The following PIGU variants were observed in gnomAD, a reference collection of about 807,000 sequenced individuals.
PIGU encodes the protein GPI-anchor transamidase component PIGU.
PIGU carries 24 observed loss-of-function variants against 49.9 expected under a neutral mutation model. That is an observed-to-expected ratio of 0.48 (90% CI 0.35 to 0.68). PIGU has a LOEUF of 0.68. PIGU is among the 30% of genes least tolerant of loss of function. PIGU has a pLI of 0.01. For missense variants in PIGU, 490 were observed against 532.6 expected, an observed-to-expected ratio of 0.92 and a Z score of 0.79; for synonymous variants, 220 against 205.7, an observed-to-expected ratio of 1.07 and a Z score of -0.59.
intron 6 of PIGU, among the ~76,000 whole-genome samples, chr20:34,628,858 G>T (rs886572225): frequency 1.3e-5 from 2 of 151,900 alleles, no homozygotes; most frequent in Middle Eastern, 3.2e-3. Flanking sequence ...CAAAAAACAA[G>T]ATAGATCAGA....
chr20:34,588,161 G>A (rs1319647161), intron 8 of PIGU, among the ~76,000 whole-genome samples: 1 of 151,962 alleles, frequency 6.6e-6, no homozygotes, highest in Admixed American at 6.6e-5. Context: ...CTGAGGCAGG[G>A]GAATCACTTG....
At chr20:34,586,145 A>G (rs1300225357) in intron 8 of PIGU, among the ~76,000 whole-genome samples, 3 of 152,208 alleles carry the variant, frequency 2.0e-5, no homozygotes, top group Admixed American at 6.5e-5. Flanking sequence ...TAACTGGAAA[A>G]CTTTTTGTCC....
rs562683306 is a variant in PIGU at position 34,637,989 on chromosome 20, G to GAA, written c.319-6_319-5dup. ...GGAGGAGTTTCTGCTTTTTAAACTA[G>GAA]AAAAAAAAAAAAAAGGAAAAGATAA... On this transcript the variant is annotated splice_region_variant and splice_polypyrimidine_tract_variant and intron_variant, in intron 4 of 11. Coordinates refer to ENST00000217446, the MANE Select transcript of PIGU (RefSeq NM_080476.5). 696 of 1,334,692 alleles carry GAA rather than the reference G, an allele frequency of 5.2e-4. No homozygotes were observed. Among genetic ancestry groups the GAA allele is most frequent in the Admixed American group, 1.9e-3 (62 of 33,298 alleles). The allele number at this position is 1,334,692 out of a possible 1,614,324, so 82.7% of individuals were successfully genotyped here.
intron 1 of PIGU, among the ~76,000 whole-genome samples, chr20:34,674,412 C>T (rs1405778590): frequency 2.0e-5 from 3 of 152,036 alleles, no homozygotes; most frequent in African/African-American, 7.2e-5. Flanking sequence ...AAGAGTCAAA[C>T]CTTTTCTGAG....
At chr20:34,608,502 T>G (rs1294491750) in intron 7 of PIGU, among the ~76,000 whole-genome samples, 1 of 152,226 alleles carries the variant, frequency 6.6e-6, no homozygotes, top group Non-Finnish European at 1.5e-5. Flanking sequence ...CTTAGTCCTG[T>G]TAAGACTTTG....
intron 4 of PIGU, among the ~76,000 whole-genome samples, chr20:34,642,744 C>CTTTT (rs946911419): frequency 3.3e-5 from 3 of 91,152 alleles, no homozygotes; most frequent in Non-Finnish European, 6.9e-5. Context: ...TTTCCCTAGT[C>CTTTT]TTTTTTTTTT....
At chr20:34,661,258 C>T (rs1456090872) in intron 1 of PIGU, among the ~76,000 whole-genome samples, 1 of 152,010 alleles carries the variant, frequency 6.6e-6, no homozygotes, top group Non-Finnish European at 1.5e-5. Context: ...AGGTTTGTTA[C>T]ATGGGTAAAT....
chr20:34,570,018 A>G (rs1185729296), intron 11 of PIGU, among the ~76,000 whole-genome samples: 2 of 152,164 alleles, frequency 1.3e-5, no homozygotes, highest in African/African-American at 2.4e-5. Flanking sequence ...TAATAATAGT[A>G]CTTCCTTCAA....
chr20:34,605,104 C>G (rs551877789), intron 7 of PIGU, among the ~76,000 whole-genome samples: 1 of 152,238 alleles, frequency 6.6e-6, no homozygotes, highest in South Asian at 2.1e-4. Flanking sequence ...TGCCCCTGAG[C>G]ATGTTAGGGC....
chr20:34,579,291 C>T (rs1983363243), intron 10 of PIGU: 1 of 152,158 alleles, frequency 6.6e-6, no homozygotes, highest in South Asian at 2.1e-4. Context: ...AGGCTGTTCC[C>T]TAACACCACA....
At chr20:34,676,829 A>AC in intron 1 of PIGU, 127 bp downstream of exon 1, 1 of 1,348,998 alleles carries the variant, frequency 7.4e-7, no homozygotes, top group African/African-American at 1.5e-5. Context: ...CTCTCCAAGA[A>AC]CCCCACGAGA....
intron 8 of PIGU, 46 bp from the exon 9 acceptor site, chr20:34,585,626 A>T: frequency 6.3e-7 from 1 of 1,594,566 alleles, no homozygotes; most frequent in Admixed American, 1.7e-5. Flanking sequence ...AAAAGTTATA[A>T]ATTGTCTGCT....
At chr20:34,565,345 C>T (rs772735896) in intron 11 of PIGU, among the ~76,000 whole-genome samples, 2 of 151,974 alleles carry the variant, frequency 1.3e-5, no homozygotes, top group Non-Finnish European at 2.9e-5. Flanking sequence ...GCAACCTCCG[C>T]GGTTCAAGTG....
intron 7 of PIGU, among the ~76,000 whole-genome samples, chr20:34,600,906 T>C (rs1984390897): frequency 6.6e-6 from 1 of 152,040 alleles, no homozygotes; most frequent in African/African-American, 2.4e-5. Flanking sequence ...TGGTGGCACA[T>C]GCCTGTAATC....
At chr20:34,577,920 G>A (rs1983305161) in intron 10 of PIGU, among the ~76,000 whole-genome samples, 1 of 152,180 alleles carries the variant, frequency 6.6e-6, no homozygotes. Context: ...CCACCCAACT[G>A]TGTCAAAAGG....
At chr20:34,619,393 T>C (rs1358962074) in intron 6 of PIGU, among the ~76,000 whole-genome samples, 1 of 152,198 alleles carries the variant, frequency 6.6e-6, no homozygotes, top group Non-Finnish European at 1.5e-5. Flanking sequence ...GGGCTAGGGA[T>C]TGATTCTTTG....
chr20:34,595,982 G>A lies in PIGU; in HGVS notation c.628-7375C>T, dbSNP rs1426150107. Among the ~76,000 whole-genome samples, 2 of 152,164 alleles carry A rather than the reference G, an allele frequency of 1.3e-5. 1 individual carries two copies. Among genetic ancestry groups the A allele is most frequent in the East Asian group, 3.9e-4 (2 of 5,192 alleles). On this transcript the variant is annotated intron_variant, in intron 7 of 11. Transcript: ENST00000217446. ...AATCCAAGCTACTTGGCAGGCTGAG[G>A]CAAGAGGACTGCTTGAGCCCAGTCG...
chr20:34,577,099 C>G lies in PIGU; in HGVS notation c.1052-1853G>C, dbSNP rs116598706. On this transcript the variant is annotated intron_variant, in intron 10 of 11. Transcript: ENST00000217446. ...TATCACACAGGAGGATTGTCTGTTA[C>G]TTTTCTTTATCTTTATCATATTTTT... 8.1e-3 allele frequency among the ~76,000 whole-genome samples: 1,228 copies of G among 152,238 alleles called. 20 individuals are homozygous for G. The highest frequency in any genetic ancestry group is 0.028 in the African/African-American group (1,178 of 41,552).
At chr20:34,642,517 G>A (rs1472763416) in intron 4 of PIGU, among the ~76,000 whole-genome samples, 1 of 151,720 alleles carries the variant, frequency 6.6e-6, no homozygotes, top group Non-Finnish European at 1.5e-5. Context: ...TATGGCATTA[G>A]CATCTAATCA....
Sources: gnomAD v4.1 joint callset for allele counts (sites outside exome capture counted in the v4.1 genomes callset) on GRCh38, gnomAD v4.1.1 for gene constraint, MANE v1.5 for transcripts, NCBI Gene and HGNC (gene_info 2026-07-23, HGNC 2026-07-21) for gene names.